P2RX7: variants seen among roughly 807,000 people sequenced by gnomAD.
P2RX7 encodes the protein purinergic receptor P2X 7.
A neutral mutation model predicts 71.6 loss-of-function variants in P2RX7; 62 were observed. The observed-to-expected ratio is 0.87, with a 90% CI of 0.71 to 1.07. P2RX7 has a LOEUF of 1.07. Among genes scored for constraint, P2RX7 ranks in the 50% least tolerant of loss-of-function variants. P2RX7 has a pLI of 0.00. For synonymous variants in P2RX7, 299 were observed against 283.3 expected, an observed-to-expected ratio of 1.06 and a Z score of -0.56; for missense variants, 686 against 748.5, an observed-to-expected ratio of 0.92 and a Z score of 0.97.
chr12:121,141,112 A>C (rs563762486), intron 1 of P2RX7, among the ~76,000 whole-genome samples: 1 of 152,228 alleles, frequency 6.6e-6, no homozygotes, highest in Non-Finnish European at 1.5e-5. Flanking sequence ...TAAATAAAGG[A>C]TATCAGGCAA....
At chr12:121,173,036 C>T (rs1882485247) in intron 8 of P2RX7, among the ~76,000 whole-genome samples, 1 of 152,152 alleles carries the variant, frequency 6.6e-6, no homozygotes, top group South Asian at 2.1e-4. Context: ...TCTTGAAAAA[C>T]AAAACACACC....
intron 8 of P2RX7, among the ~76,000 whole-genome samples, chr12:121,170,895 A>G (rs1229286885): frequency 6.6e-6 from 1 of 152,250 alleles, no homozygotes; most frequent in African/African-American, 2.4e-5. Flanking sequence ...TTCAGAAAAT[A>G]TAACTTTCTA....
chr12:121,155,750 C>T (rs544172506), intron 2 of P2RX7, among the ~76,000 whole-genome samples: 2 of 152,084 alleles, frequency 1.3e-5, no homozygotes, highest in Admixed American at 1.3e-4. Flanking sequence ...CCCTCGCCTC[C>T]CCAGGTCTCC....
intron 3 of P2RX7, 126 bp from the exon 4 acceptor site, chr12:121,160,776 T>C: frequency 1.2e-6 from 1 of 815,466 alleles, no homozygotes; most frequent in South Asian, 1.4e-5. Context: ...TTTCCACTTT[T>C]TTGGCGATTC....
At chr12:121,180,275 A>G in intron 11 of P2RX7, 79 bp from the exon 12 acceptor site, 1 of 695,856 alleles carries the variant, frequency 1.4e-6, no homozygotes, top group Admixed American at 2.8e-5. Context: ...GGCAAATAGG[A>G]ATTACAGTTG....
chr12:121,174,657 T>C (rs958404336), intron 8 of P2RX7, among the ~76,000 whole-genome samples: 1 of 152,162 alleles, frequency 6.6e-6, no homozygotes, highest in Non-Finnish European at 1.5e-5. Context: ...GTAATTAGTA[T>C]GCAAGATTTA....
At chr12:121,183,176 C>CA (rs34522323) in intron 12 of P2RX7, among the ~76,000 whole-genome samples, 1,506 of 145,468 alleles carry the variant, frequency 0.01, 10 homozygotes, top group East Asian at 0.013. Flanking sequence ...GACTCCATCT[C>CA]AAAAAAAAAA....
chr12:121,181,040 C>T (rs1884070838), intron 12 of P2RX7, among the ~76,000 whole-genome samples: 1 of 152,122 alleles, frequency 6.6e-6, no homozygotes, highest in African/African-American at 2.4e-5. Flanking sequence ...TGGTCTCAAG[C>T]AGTCCTCCCA....
chr12:121,174,131 T>G (rs566616274), intron 8 of P2RX7, among the ~76,000 whole-genome samples: 12 of 138,026 alleles, frequency 8.7e-5, no homozygotes, highest in Non-Finnish European at 1.7e-4. Flanking sequence ...CACTGTGACC[T>G]CCATCTCCTG....
chr12:121,144,202 C>T (rs906059041), intron 1 of P2RX7, among the ~76,000 whole-genome samples: 3 of 152,162 alleles, frequency 2.0e-5, no homozygotes, highest in African/African-American at 7.2e-5. Context: ...CTAATATCCT[C>T]TTGTTTTGCA....
At chr12:121,173,302 C>T (rs1882527455) in intron 8 of P2RX7, among the ~76,000 whole-genome samples, 1 of 152,138 alleles carries the variant, frequency 6.6e-6, no homozygotes, top group South Asian at 2.1e-4. Flanking sequence ...TCTCCTGCCT[C>T]AGCTTCCTGA....
intron 6 of P2RX7, 137 bp downstream of exon 6, chr12:121,165,574 G>C: frequency 1.4e-6 from 1 of 719,586 alleles, no homozygotes; most frequent in Non-Finnish European, 2.4e-6. Context: ...GAATGACTTT[G>C]CTGCGTGGTT....
chr12:121,170,178 C>T (rs1881897275), intron 8 of P2RX7, among the ~76,000 whole-genome samples: 1 of 152,142 alleles, frequency 6.6e-6, no homozygotes, highest in Admixed American at 6.6e-5. Context: ...TTGATCATCC[C>T]CTGCCGCTGT....
chr12:121,177,233 T>A (rs770265363), intron 10 of P2RX7, 21 bp downstream of exon 10: 4 of 1,614,018 alleles, frequency 2.5e-6, no homozygotes, highest in African/African-American at 2.7e-5. Context: ...CTCTTTTCCA[T>A]GCTTTAGGAA....
At chr12:121,158,966 C>A (rs916455039) in intron 3 of P2RX7, among the ~76,000 whole-genome samples, 4 of 152,144 alleles carry the variant, frequency 2.6e-5, no homozygotes, top group African/African-American at 9.7e-5. Context: ...TGGGGAGTCA[C>A]AAGGGGAGGA....
Position 121,184,459 on chromosome 12 carries a change from G to A in P2RX7, c.1445G>A (p.Cys482Tyr). Residue 482 changes from cysteine to tyrosine, a missense_variant, in exon 13 of 13, where the codon TGC (cysteine) becomes TAC (tyrosine). Cys to Tyr is a radical substitution (Grantham distance 194). Coordinates refer to ENST00000328963, the MANE Select transcript of P2RX7 (RefSeq NM_002562.6). ...DSPVWCQCGSCLPSQLPESHR... is the reference protein window; with the variant it reads ...DSPVWCQCGSYLPSQLPESHR... ...CCCGTCTGGTGCCAGTGTGGAAGCTGCCTCCCATCTCAACTCCCTGAGAGC... is the reference window on the plus strand; with the variant it reads ...CCCGTCTGGTGCCAGTGTGGAAGCTACCTCCCATCTCAACTCCCTGAGAGC... 6.2e-7 allele frequency: 1 copy of A among 1,614,176 alleles called. No individual in the cohort carries two copies. Among genetic ancestry groups the A allele is most frequent in the Non-Finnish European group, 8.5e-7 (1 of 1,180,030 alleles).
At chr12:121,182,106 A>G (rs908766805) in intron 12 of P2RX7, among the ~76,000 whole-genome samples, 8 of 151,512 alleles carry the variant, frequency 5.3e-5, no homozygotes, top group Non-Finnish European at 7.4e-5. Context: ...TTGAAATATC[A>G]GTGAGTTTTC....
At chr12:121,176,617 C>T (rs538409791) in intron 9 of P2RX7, among the ~76,000 whole-genome samples, 2 of 151,900 alleles carry the variant, frequency 1.3e-5, no homozygotes, top group East Asian at 1.9e-4. Context: ...CTGGGCGTGG[C>T]GGTGGGTACT....
rs1434441860 is a variant in P2RX7 at position 121,185,396 on chromosome 12, G to C, written c.*594G>C. 6.5e-6 allele frequency: 1 copy of C among 152,980 alleles called. No homozygotes were observed. The highest frequency in any genetic ancestry group is 6.5e-5 in the Admixed American group (1 of 15,316). The allele number at this position is 152,980 out of a possible 1,614,324, so 9.5% of individuals were successfully genotyped here. ...TCCTTGTTGCCCAACTACTATCTCA[G>C]AGATATTGTGAGGACAAATTGAGAC... is the stretch of plus-strand genomic sequence containing the variant. On this transcript the variant is annotated 3_prime_UTR_variant, in exon 13 of 13. Coordinates refer to ENST00000328963, the MANE Select transcript of P2RX7 (RefSeq NM_002562.6).
Sources: allele counts gnomAD v4.1 joint callset (sites outside exome capture counted in the v4.1 genomes callset), GRCh38; gene constraint gnomAD v4.1.1; transcripts MANE v1.5; gene names NCBI Gene and HGNC (gene_info 2026-07-23, HGNC 2026-07-21).